E2F5: variants seen among roughly 807,000 people sequenced by gnomAD.
E2F5 encodes the protein transcription factor E2F5.
In E2F5, 23 loss-of-function variants were observed where a neutral mutation model predicts 39.1. The observed-to-expected ratio is 0.59, with a 90% CI of 0.42 to 0.83. The LOEUF is 0.83. Among genes scored for constraint, E2F5 ranks in the 40% least tolerant of loss-of-function variants. The pLI, the probability that E2F5 is intolerant of heterozygous loss-of-function variation, is 0.00. For missense variants in E2F5, 365 were observed against 406.7 expected, an observed-to-expected ratio of 0.90 and a Z score of 0.88; for synonymous variants, 145 against 157.8, an observed-to-expected ratio of 0.92 and a Z score of 0.61.
At chr8:85,203,290 G>T (rs745440333) in intron 3 of E2F5, 35 bp downstream of exon 3, 26 of 1,475,346 alleles carry the variant, frequency 1.8e-5, no homozygotes, top group Non-Finnish European at 2.4e-5. Flanking sequence ...TATACATATA[G>T]CTTTGGAATA....
chr8:85,206,318 A>T, intron 4 of E2F5, 98 bp downstream of exon 4: 4 of 1,258,314 alleles, frequency 3.2e-6, no homozygotes, highest in Non-Finnish European at 4.5e-6. Flanking sequence ...CATTATTTTC[A>T]GAAGTTGTGG....
rs1226094505 is a variant in E2F5 at position 85,202,144 on chromosome 8, C to T, written c.235-3C>T. 1.2e-6 allele frequency: 2 copies of T among 1,610,264 alleles called. No homozygotes were observed. The highest frequency in any genetic ancestry group is 1.7e-6 in the Non-Finnish European group (2 of 1,177,876). On this transcript the variant is annotated splice_polypyrimidine_tract_variant and splice_region_variant and intron_variant, in intron 1 of 7. Coordinates refer to ENST00000416274, the MANE Select transcript of E2F5 (RefSeq NM_001951.4). ...CACTGTTCTCGTTGTCTTTCCTGAA[C>T]AGGCTGCTGATACTTTGGCTGTGAG... is the stretch of plus-strand genomic sequence containing the variant.
chr8:85,202,196 C>A lies in E2F5; in HGVS notation c.284C>A (p.Thr95Asn). ...VRQKRRIYDITNVLEGIDLIE... is the reference protein window; with the variant it reads ...VRQKRRIYDINNVLEGIDLIE... ...CAAAAAAGGAGAATTTATGATATCA[C>A]CAATGTCTTAGAGGGAATTGACTTG... The change falls in exon 2 of 8, where the codon ACC becomes AAC. Residue 95 changes from threonine to asparagine, a missense_variant. By Grantham distance (65) the Thr-to-Asn change is moderately conservative (BLOSUM62 0). Transcript: ENST00000416274. The A allele has an allele frequency of 3.1e-6, 5 of 1,612,522 alleles. No individual in the cohort carries two copies. Among genetic ancestry groups the A allele is most frequent in the Non-Finnish European group, 4.2e-6 (5 of 1,179,408 alleles).
chr8:85,188,056 C>G (rs1006418898), intron 1 of E2F5, among the ~76,000 whole-genome samples: 3 of 152,126 alleles, frequency 2.0e-5, no homozygotes, highest in African/African-American at 7.2e-5. Flanking sequence ...ACCTAACAAG[C>G]CTCTATGCTT....
intron 3 of E2F5, among the ~76,000 whole-genome samples, 181 bp downstream of exon 3, chr8:85,203,436 A>G (rs1377194395): frequency 6.6e-6 from 1 of 152,148 alleles, no homozygotes. Context: ...TTTTTAAGTT[A>G]TATAGTACAG....
At chr8:85,177,812 G>C (rs1266206857) in intron 1 of E2F5, 158 bp downstream of exon 1, 1 of 1,130,798 alleles carries the variant, frequency 8.8e-7, no homozygotes, top group Non-Finnish European at 1.1e-6. Context: ...CGCCCGGGTC[G>C]TGGACGCCGG....
At chr8:85,184,374 A>G (rs1812282322) in intron 1 of E2F5, among the ~76,000 whole-genome samples, 2 of 152,246 alleles carry the variant, frequency 1.3e-5, no homozygotes, top group Admixed American at 6.5e-5. Context: ...TCTCAAAATA[A>G]TAAGGCTATT....
chr8:85,212,990 T>G (rs1812973999), intron 7 of E2F5: 1 of 149,512 alleles, frequency 6.7e-6, no homozygotes, highest in Admixed American at 6.6e-5. Context: ...CTCCACCTCC[T>G]AGGTTCAAAT....
intron 6 of E2F5, among the ~76,000 whole-genome samples, chr8:85,210,538 G>C (rs1163461097): frequency 6.6e-6 from 1 of 152,016 alleles, no homozygotes; most frequent in Non-Finnish European, 1.5e-5. Context: ...AAAATTAGCT[G>C]GGTGTGGCGG....
At chr8:85,189,528 C>G (rs1470069512) in intron 1 of E2F5, among the ~76,000 whole-genome samples, 1 of 152,028 alleles carries the variant, frequency 6.6e-6, no homozygotes, top group African/African-American at 2.4e-5. Flanking sequence ...AACCACCATG[C>G]CTGGGTAATT....
Position 85,194,760 on chromosome 8 carries a change from C to T in E2F5, c.235-7387C>T, listed in dbSNP as rs567995989. ...ATCTTGGCCAGGCTGGTCTTCAACTCCTGACCTCATGATCCACCCTCCTCG... is the reference window on the plus strand; with the variant it reads ...ATCTTGGCCAGGCTGGTCTTCAACTTCTGACCTCATGATCCACCCTCCTCG... On this transcript the variant is annotated intron_variant, in intron 1 of 7. Transcript: ENST00000416274. Among the ~76,000 whole-genome samples, 15 of 151,362 alleles carry T rather than the reference C, an allele frequency of 9.9e-5. No homozygotes were observed. In the South Asian group the frequency reaches 2.9e-3, roughly 30 times the overall value.
Position 85,206,265 on chromosome 8 carries a change from T to C in E2F5, c.550+45T>C, listed in dbSNP as rs182025230. The C allele has an allele frequency of 1.2e-4, 193 of 1,568,518 alleles. 1 individual carries two copies. In the East Asian group the frequency reaches 3.9e-3, roughly 32 times the overall value. The stretch of plus-strand genomic sequence containing the variant: ...TCCTTGCATTCTTCCTCTCAACCTA[T>C]TTAGTGGAGGGTGATTCAGAATTCC... On this transcript the variant is annotated intron_variant, in intron 4 of 7. Coordinates refer to ENST00000416274, the MANE Select transcript of E2F5 (RefSeq NM_001951.4).
At chr8:85,182,898 C>T (rs1363796615) in intron 1 of E2F5, among the ~76,000 whole-genome samples, 1 of 152,110 alleles carries the variant, frequency 6.6e-6, no homozygotes. Context: ...TGACAGGTCC[C>T]TGATGCATAC....
At chr8:85,177,870 C>A (rs890618567) in intron 1 of E2F5, 3 of 794,592 alleles carry the variant, frequency 3.8e-6, no homozygotes, top group South Asian at 1.2e-4. Context: ...GGACGCGTAA[C>A]CAATGGGGCC....
At chr8:85,188,770 A>C (rs1038457475) in intron 1 of E2F5, among the ~76,000 whole-genome samples, 1 of 152,150 alleles carries the variant, frequency 6.6e-6, no homozygotes, top group Admixed American at 6.5e-5. Context: ...TGGTGGTCTC[A>C]CCAGTGTTAG....
chr8:85,196,188 G>A (rs1385545884), intron 1 of E2F5, among the ~76,000 whole-genome samples: 3 of 152,102 alleles, frequency 2.0e-5, no homozygotes, highest in Non-Finnish European at 2.9e-5. Context: ...TTTAAAGTAA[G>A]TTATTTATTC....
intron 1 of E2F5, among the ~76,000 whole-genome samples, chr8:85,198,700 T>G (rs1812631234): frequency 6.6e-6 from 1 of 152,230 alleles, no homozygotes; most frequent in Admixed American, 6.5e-5. Flanking sequence ...TTCCTGGACC[T>G]TAAACTTCCC....
intron 1 of E2F5, among the ~76,000 whole-genome samples, chr8:85,188,694 T>A (rs4150877): frequency 7.2e-5 from 11 of 152,310 alleles, no homozygotes; most frequent in Admixed American, 1.3e-4. Context: ...GGTTATGTGA[T>A]CCTGCTTGGC....
At position 85,193,787 on chromosome 8, in the gene E2F5, A is replaced by G. The variant is rs4150902; in HGVS notation, c.235-8360A>G. 1.5e-3 allele frequency among the ~76,000 whole-genome samples: 236 copies of G among 152,258 alleles called. 1 individual carries two copies. The highest frequency in any genetic ancestry group is 5.3e-3 in the African/African-American group (219 of 41,534). ...CTTGGCATGTTTTTGAGATGCATTC[A>G]TATTATTGCATGTACCAATGGTTCA... is the stretch of plus-strand genomic sequence containing the variant. On this transcript the variant is annotated intron_variant, in intron 1 of 7. Coordinates refer to ENST00000416274, the MANE Select transcript of E2F5 (RefSeq NM_001951.4).
Sources: allele counts gnomAD v4.1 joint callset (sites outside exome capture counted in the v4.1 genomes callset), GRCh38; gene constraint gnomAD v4.1.1; transcripts MANE v1.5; gene names NCBI Gene and HGNC (gene_info 2026-07-23, HGNC 2026-07-21).